LRP1B: variants seen among roughly 807,000 people sequenced by gnomAD.
The protein encoded by LRP1B is LDL receptor related protein 1B, also known as low-density lipoprotein receptor-related protein 1B.
In LRP1B, 217 loss-of-function variants were observed where a neutral mutation model predicts 556.6. The ratio of observed to expected loss-of-function variants is 0.39; its 90% confidence interval spans 0.35 to 0.44. The LOEUF (loss-of-function observed/expected upper bound fraction) is 0.44. LRP1B is among the 20% of genes least tolerant of loss of function. The probability of loss-of-function intolerance (pLI) is 1.00; values close to 1 mark genes in which losing one functional copy is unlikely to be tolerated. For synonymous variants in LRP1B, 2,047 were observed against 1,865.8 expected (o/e 1.10, Z -2.50); for missense variants, 5,053 against 5,620.8 (o/e 0.90, Z 3.23).
chr2:140,661,238 G>C (rs1029255080), intron 41 of LRP1B, among the ~76,000 whole-genome samples: 3 of 151,954 alleles, frequency 2.0e-5, no homozygotes, highest in Admixed American at 6.6e-5. Flanking sequence ...AACATGATAG[G>C]GATATAAAAT....
At chr2:140,794,773 C>A (rs556535840) in intron 32 of LRP1B, among the ~76,000 whole-genome samples, 2 of 152,006 alleles carry the variant, frequency 1.3e-5, no homozygotes, top group East Asian at 3.9e-4. Context: ...GCCACTACGC[C>A]CAGCTAATTT....
rs548906357 is a variant in LRP1B at position 141,636,852 on chromosome 2, T to C, written c.206-156319A>G. Among the ~76,000 whole-genome samples, 9 of 152,212 alleles carry C rather than the reference T, an allele frequency of 5.9e-5. 1 individual carries two copies. The South Asian group carries it at 1.9e-3, about 32-fold the overall frequency. On this transcript the variant is annotated intron_variant, in intron 2 of 90. Transcript: ENST00000389484. Reference sequence around the variant, plus strand: ...AAAGTACATCACAGAACAATACATATGGTTATGTAAATTAATGTATCTGTA... The same window carrying C: ...AAAGTACATCACAGAACAATACATACGGTTATGTAAATTAATGTATCTGTA...
chr2:141,878,270 A>C (rs1698835477), intron 1 of LRP1B, among the ~76,000 whole-genome samples: 1 of 151,968 alleles, frequency 6.6e-6, no homozygotes, highest in Non-Finnish European at 1.5e-5. Context: ...CAGAGAGCTG[A>C]GATGCAAAGG....
intron 32 of LRP1B, among the ~76,000 whole-genome samples, chr2:140,804,697 A>AT (rs1690652214): frequency 1.1e-5 from 1 of 87,744 alleles, no homozygotes; most frequent in South Asian, 3.3e-4. Context: ...TGTAACTCAC[A>AT]TTTTTTTCAG....
At chr2:141,532,150 C>A (rs904570520) in intron 2 of LRP1B, among the ~76,000 whole-genome samples, 1 of 152,152 alleles carries the variant, frequency 6.6e-6, no homozygotes, top group Non-Finnish European at 1.5e-5. Flanking sequence ...GGCATCTGAA[C>A]ATCCATTAAA....
intron 22 of LRP1B, among the ~76,000 whole-genome samples, chr2:140,907,344 C>T (rs1038975244): frequency 1.3e-5 from 2 of 152,006 alleles, no homozygotes; most frequent in African/African-American, 4.8e-5. Context: ...ATCATTTTAA[C>T]TAGATAAGGC....
intron 11 of LRP1B, among the ~76,000 whole-genome samples, chr2:141,047,398 G>T (rs964935642): frequency 5.9e-5 from 9 of 152,072 alleles, no homozygotes; most frequent in Admixed American, 5.9e-4. Context: ...AAGTAAAGTT[G>T]TGTTGAATGA....
At chr2:141,240,207 A>T (rs1044878562) in intron 5 of LRP1B, among the ~76,000 whole-genome samples, 9 of 152,130 alleles carry the variant, frequency 5.9e-5, no homozygotes, top group Non-Finnish European at 1.0e-4. Flanking sequence ...GTGGAATATT[A>T]GTTATCTCTG....
At chr2:140,503,572 G>A (rs1161425558) in intron 53 of LRP1B, among the ~76,000 whole-genome samples, 1 of 151,974 alleles carries the variant, frequency 6.6e-6, no homozygotes, top group Non-Finnish European at 1.5e-5. Flanking sequence ...TTGTTAAAAT[G>A]AGAAAAATTT....
intron 43 of LRP1B, among the ~76,000 whole-genome samples, chr2:140,567,211 GC>G (rs1681158942): frequency 6.6e-6 from 1 of 152,098 alleles, no homozygotes; most frequent in African/African-American, 2.4e-5. Flanking sequence ...TTATTATTGA[GC>G]TGCCCCTTGC....
Position 141,324,921 on chromosome 2 carries a change from G to T in LRP1B, c.344-70280C>A, listed in dbSNP as rs186558129. Reference sequence around the variant, plus strand: ...TTTGTTTAAATTTTTCATATATACGGTTCAAAAGTAAAATATTTTATTCAG... The same window carrying T: ...TTTGTTTAAATTTTTCATATATACGTTTCAAAAGTAAAATATTTTATTCAG... On this transcript the variant is annotated intron_variant, in intron 3 of 90. Transcript: ENST00000389484. Among the ~76,000 whole-genome samples the T allele has an allele frequency of 6.6e-4, 101 of 152,050 alleles. 2 individuals carry two copies. Among genetic ancestry groups the T allele is most frequent in the Non-Finnish European group, 4.7e-4 (32 of 67,928 alleles).
intron 37 of LRP1B, among the ~76,000 whole-genome samples, chr2:140,706,290 A>C (rs1686834006): frequency 6.6e-6 from 1 of 152,154 alleles, no homozygotes; most frequent in Admixed American, 6.6e-5. Context: ...TCACTATATG[A>C]TATAGCCAAG....
At position 141,816,611 on chromosome 2, in the gene LRP1B, C is replaced by A. The variant is rs117055661; in HGVS notation, c.83-6210G>T. On this transcript the variant is annotated intron_variant, in intron 1 of 90. Transcript: ENST00000389484. Reference sequence around the variant, plus strand: ...TTCTGGCTCCTCAGCTTCCAAACGGCCTATTGTGGGACTGCACCTTGTGAT... The same window carrying A: ...TTCTGGCTCCTCAGCTTCCAAACGGACTATTGTGGGACTGCACCTTGTGAT... Among the ~76,000 whole-genome samples, 310 of 152,168 alleles carry A rather than the reference C, an allele frequency of 2.0e-3. 8 individuals are homozygous for A. In the East Asian group the frequency reaches 0.037, roughly 18 times the overall value.
intron 2 of LRP1B, among the ~76,000 whole-genome samples, chr2:141,686,130 T>C (rs542392852): frequency 6.6e-6 from 1 of 152,154 alleles, no homozygotes; most frequent in South Asian, 2.1e-4. Context: ...CATGTAATTA[T>C]ATATTTTCTT....
intron 3 of LRP1B, among the ~76,000 whole-genome samples, chr2:141,416,651 C>T (rs1228046204): frequency 6.6e-6 from 1 of 151,998 alleles, no homozygotes; most frequent in Non-Finnish European, 1.5e-5. Context: ...GATGGGTTTT[C>T]ACCATGTTGG....
intron 1 of LRP1B, among the ~76,000 whole-genome samples, chr2:141,961,834 G>A (rs564429266): frequency 6.6e-6 from 1 of 151,732 alleles, no homozygotes; most frequent in East Asian, 1.9e-4. Context: ...TTGAAGGTAA[G>A]TTAACTTGGC....
chr2:142,107,208 A>T (rs1044906662), intron 1 of LRP1B, among the ~76,000 whole-genome samples: 3 of 152,180 alleles, frequency 2.0e-5, no homozygotes, highest in African/African-American at 7.2e-5. Flanking sequence ...GGTTGATGCT[A>T]TGTTTTAAAT....
chr2:140,745,065 T>C (rs1002245773), intron 35 of LRP1B, among the ~76,000 whole-genome samples: 1 of 152,196 alleles, frequency 6.6e-6, no homozygotes, highest in East Asian at 1.9e-4. Flanking sequence ...GAAAAGGAAA[T>C]TAGCCTGGTA....
At chr2:141,787,694 TATACTA>T (rs1202573881) in intron 2 of LRP1B, among the ~76,000 whole-genome samples, 1 of 151,934 alleles carries the variant, frequency 6.6e-6, no homozygotes, top group Admixed American at 6.6e-5. Context: ...ATCAAACCTT[TATACTA>T]AAAGTTTTTT....
Sources: allele counts gnomAD v4.1 joint callset (sites outside exome capture counted in the v4.1 genomes callset), GRCh38; gene constraint gnomAD v4.1.1; transcripts MANE v1.5; gene names NCBI Gene and HGNC (gene_info 2026-07-23, HGNC 2026-07-21).